The following DLG2 variants were observed in gnomAD, a reference collection of about 807,000 sequenced individuals.
DLG2 encodes disks large homolog 2.
Under a neutral mutation model 132.5 loss-of-function variants are expected in DLG2, and 45 were observed. The observed-to-expected ratio is 0.34, with a 90% confidence interval of 0.27 to 0.44. The LOEUF (loss-of-function observed/expected upper bound fraction) is 0.44. DLG2 is among the 20% of genes least tolerant of loss of function. DLG2 has a pLI of 1.00. For missense variants in DLG2, 1,045 were observed against 1,196.9 expected (o/e 0.87, Z 1.87); for synonymous variants, 424 against 419.6 (o/e 1.01, Z -0.13).
intron 3 of DLG2, among the ~76,000 whole-genome samples, chr11:85,379,644 G>C (rs925663997): frequency 7.2e-5 from 11 of 152,130 alleles, no homozygotes; most frequent in African/African-American, 1.9e-4. Context: ...ATTATAATCA[G>C]GCTATATTAC....
chr11:84,810,746 T>A (rs78284940), intron 6 of DLG2, among the ~76,000 whole-genome samples: 3,684 of 152,238 alleles, frequency 0.024, 162 homozygotes, highest in African/African-American at 0.085. Context: ...TACCATGGAA[T>A]ACTGTTCAGC....
chr11:85,057,015 C>T (rs1444828167), intron 6 of DLG2, among the ~76,000 whole-genome samples: 2 of 151,550 alleles, frequency 1.3e-5, no homozygotes, highest in East Asian at 1.9e-4. Flanking sequence ...GATTGGAGGG[C>T]CAAAAATAGG....
At chr11:83,925,728 A>G (rs2078851367) in intron 15 of DLG2, among the ~76,000 whole-genome samples, 1 of 152,154 alleles carries the variant, frequency 6.6e-6, no homozygotes, top group Non-Finnish European at 1.5e-5. Context: ...AGCCTCTGTT[A>G]TCAACTGCAA....
intron 7 of DLG2, chr11:84,316,807 C>T (rs2098361854): frequency 6.3e-7 from 1 of 1,587,000 alleles, no homozygotes; most frequent in Non-Finnish European, 8.6e-7. Flanking sequence ...AAGGGAAAGT[C>T]ATAAGGAAAA....
intron 3 of DLG2, among the ~76,000 whole-genome samples, chr11:85,557,810 A>G (rs1038257904): frequency 6.6e-6 from 1 of 151,962 alleles, no homozygotes; most frequent in African/African-American, 2.4e-5. Context: ...TTAACTAAAG[A>G]TGAATTAAAG....
At chr11:83,752,193 A>G (rs1293036198) in intron 18 of DLG2, among the ~76,000 whole-genome samples, 3 of 151,944 alleles carry the variant, frequency 2.0e-5, no homozygotes, top group African/African-American at 7.3e-5. Flanking sequence ...GCATGAACCC[A>G]GGAGGCGGAG....
At chr11:84,814,848 G>T (rs991445796) in intron 6 of DLG2, among the ~76,000 whole-genome samples, 1 of 152,016 alleles carries the variant, frequency 6.6e-6, no homozygotes, top group Non-Finnish European at 1.5e-5. Context: ...ATGGAAAGAG[G>T]TTATTTGCTC....
chr11:84,716,841 A>C (rs1658802400), intron 6 of DLG2, among the ~76,000 whole-genome samples: 1 of 152,020 alleles, frequency 6.6e-6, no homozygotes. Flanking sequence ...TAATAAAAGA[A>C]GTGGAATTAC....
chr11:84,337,405 T>C (rs2098491164), intron 7 of DLG2, among the ~76,000 whole-genome samples: 1 of 152,168 alleles, frequency 6.6e-6, no homozygotes, highest in Non-Finnish European at 1.5e-5. Context: ...AAAATTCACA[T>C]AAGCAAAGAG....
chr11:83,521,528 A>C (rs2095480094), intron 21 of DLG2, among the ~76,000 whole-genome samples: 1 of 152,212 alleles, frequency 6.6e-6, no homozygotes, highest in Admixed American at 6.5e-5. Context: ...TTTACCAGGT[A>C]AGGCAAATGT....
At chr11:84,257,239 G>T (rs1199903298) in intron 7 of DLG2, among the ~76,000 whole-genome samples, 1 of 152,030 alleles carries the variant, frequency 6.6e-6, no homozygotes, top group African/African-American at 2.4e-5. Flanking sequence ...TTCTCCATTG[G>T]AACGAAACTC....
chr11:84,356,043 A>G (rs1171865597), intron 7 of DLG2, among the ~76,000 whole-genome samples: 1 of 152,178 alleles, frequency 6.6e-6, no homozygotes, highest in Non-Finnish European at 1.5e-5. Flanking sequence ...ACCTGAAAGT[A>G]GAAGCAAAAG....
At chr11:84,947,596 A>C (rs941695213) in intron 6 of DLG2, among the ~76,000 whole-genome samples, 2 of 151,888 alleles carry the variant, frequency 1.3e-5, no homozygotes, top group African/African-American at 4.8e-5. Flanking sequence ...ACCCTTACCC[A>C]CTTTTGAGTC....
At chr11:83,972,872 T>C (rs561793703) in intron 12 of DLG2, among the ~76,000 whole-genome samples, 1 of 152,100 alleles carries the variant, frequency 6.6e-6, no homozygotes, top group East Asian at 1.9e-4. Flanking sequence ...TAGCACCAGA[T>C]CATATTAGTT....
chr11:84,055,636 C>T (rs1379450306), intron 11 of DLG2, among the ~76,000 whole-genome samples: 1 of 152,040 alleles, frequency 6.6e-6, no homozygotes, highest in Non-Finnish European at 1.5e-5. Flanking sequence ...CTCGAGACCC[C>T]ATTCTTTACC....
intron 10 of DLG2, among the ~76,000 whole-genome samples, chr11:84,086,745 C>A (rs947777312): frequency 6.6e-6 from 1 of 152,170 alleles, no homozygotes; most frequent in Non-Finnish European, 1.5e-5. Context: ...CCGCCTTAGC[C>A]TCCCAAGGTG....
chr11:84,680,920 C>A (rs1255640663), intron 6 of DLG2, among the ~76,000 whole-genome samples: 3 of 152,124 alleles, frequency 2.0e-5, no homozygotes, highest in Admixed American at 2.0e-4. Context: ...CTAATCAATG[C>A]TTTGGATATA....
At chr11:84,752,763 C>A (rs1349349403) in intron 6 of DLG2, among the ~76,000 whole-genome samples, 1 of 133,020 alleles carries the variant, frequency 7.5e-6, no homozygotes, top group Non-Finnish European at 1.6e-5. Context: ...ATTCCCCTTC[C>A]TGTGTCCATG....
intron 9 of DLG2, among the ~76,000 whole-genome samples, chr11:84,142,269 C>T (rs562217687): frequency 1.6e-4 from 24 of 148,796 alleles, no homozygotes; most frequent in Admixed American, 5.4e-4. Context: ...TGCAGTGAGC[C>T]GAGATCGCTC....
Sources: allele counts gnomAD v4.1 joint callset (sites outside exome capture counted in the v4.1 genomes callset), GRCh38; gene constraint gnomAD v4.1.1; transcripts MANE v1.5; gene names NCBI Gene and HGNC (gene_info 2026-07-23, HGNC 2026-07-21).